C2CD3: variants seen among roughly 807,000 people sequenced by gnomAD.
C2CD3 encodes C2 domain containing 3 centriole elongation regulator.
In C2CD3, 148 loss-of-function variants were observed where a neutral mutation model predicts 234.0. That is an observed-to-expected ratio of 0.63 (90% confidence interval 0.55 to 0.72). The LOEUF (loss-of-function observed/expected upper bound fraction) is 0.72. Among genes scored for constraint, C2CD3 ranks in the 30% least tolerant of loss-of-function variants. The probability of loss-of-function intolerance (pLI) is 0.00; values close to 1 mark genes in which losing one functional copy is unlikely to be tolerated. For synonymous variants in C2CD3, 1,000 were observed against 1,035.4 expected (o/e 0.97, Z 0.66); for missense variants, 2,577 against 2,811.5 (o/e 0.92, Z 1.89).
chr11:74,156,946 G>A (rs887766039), intron 3 of C2CD3, among the ~76,000 whole-genome samples: 7 of 152,330 alleles, frequency 4.6e-5, no homozygotes, highest in African/African-American at 1.2e-4. Context: ...ACTACAGCTT[G>A]GGTGACAGGG....
chr11:74,067,359 C>T (rs1025314406), intron 24 of C2CD3, among the ~76,000 whole-genome samples: 2 of 151,502 alleles, frequency 1.3e-5, no homozygotes, highest in Non-Finnish European at 2.9e-5. Flanking sequence ...AAAGGCTGAA[C>T]CTGGAAAAAG....
At chr11:74,113,726 A>G (rs961212507) in intron 11 of C2CD3, 54 bp downstream of exon 11, 1 of 1,120,636 alleles carries the variant, frequency 8.9e-7, no homozygotes, top group Non-Finnish European at 1.4e-6. Flanking sequence ...AGGAATTCAA[A>G]AATTCTTCCA....
rs758900922 is a variant in C2CD3 at position 74,013,112 on chromosome 11, G to T, written c.*273C>A. 8 of 219,772 alleles carry T rather than the reference G, an allele frequency of 3.6e-5. No homozygotes were observed. The highest frequency in any genetic ancestry group is 7.1e-5 in the Non-Finnish European group (8 of 112,780). The allele number at this position is 219,772 out of a possible 1,614,324, so 13.6% of individuals were successfully genotyped here. A position where few individuals can be genotyped will look rare whatever the true frequency, so the allele number is the denominator to read the frequency against. ...TTCTCCACCGAAAGATGCCTGCTTG[G>T]GTCCCACTTGGGCGCGGATTCCATT... On this transcript the variant is annotated 3_prime_UTR_variant, in exon 33 of 33. Coordinates refer to ENST00000334126, the MANE Select transcript of C2CD3 (RefSeq NM_001286577.2).
chr11:74,074,153 G>T, intron 24 of C2CD3, 100 bp downstream of exon 24: 1 of 800,194 alleles, frequency 1.2e-6, no homozygotes. Flanking sequence ...TTTATCAGTT[G>T]AGATAATTAA....
At chr11:74,131,005 G>A (rs1957656813) in intron 7 of C2CD3, among the ~76,000 whole-genome samples, 1 of 151,710 alleles carries the variant, frequency 6.6e-6, no homozygotes, top group Non-Finnish European at 1.5e-5. Context: ...ATCTCACTAT[G>A]TCACCCAGAC....
Position 74,170,780 on chromosome 11 carries a change from T to G in C2CD3, c.13A>C (p.Lys5Gln). ...CGGCTGCCCCCAGACCCTTGGCCTT[T>G]TCGTTGTTTCATGATGAGCCCGAGC... Reference protein sequence around the residue: MKQRKGQGSGGSRGR... With the variant: MKQRQGQGSGGSRGR... Residue 5 changes from lysine to glutamine, a missense_variant, in exon 1 of 33, where the codon AAA (lysine) becomes CAA (glutamine). By Grantham distance (53) the Lys-to-Gln change is moderately conservative. Transcript: ENST00000334126. The G allele has an allele frequency of 6.2e-7, 1 of 1,614,194 alleles. No individual in the cohort carries two copies. The highest frequency in any genetic ancestry group is 1.1e-5 in the South Asian group (1 of 91,080).
intron 7 of C2CD3, chr11:74,129,537 C>T (rs564053196): frequency 0.014 from 2,686 of 189,480 alleles, 38 homozygotes; most frequent in African/African-American, 0.03. Context: ...AAGAGGCGCT[C>T]CTCACTTCCT....
chr11:74,106,837 G>C (rs1013292638), intron 12 of C2CD3, among the ~76,000 whole-genome samples: 1 of 152,064 alleles, frequency 6.6e-6, no homozygotes, highest in Admixed American at 6.5e-5. Flanking sequence ...TTAAAACTAG[G>C]GAAATTGTAA....
At chr11:74,128,218 A>AT (rs1565325627) in intron 7 of C2CD3, among the ~76,000 whole-genome samples, 1 of 152,202 alleles carries the variant, frequency 6.6e-6, no homozygotes, top group Non-Finnish European at 1.5e-5. Context: ...TCCATTGCCC[A>AT]TATTTTTAAT....
At chr11:74,061,144 A>T (rs1436880631) in intron 24 of C2CD3, among the ~76,000 whole-genome samples, 1 of 152,228 alleles carries the variant, frequency 6.6e-6, no homozygotes, top group East Asian at 1.9e-4. Flanking sequence ...CCAAGTCTAC[A>T]TCTGACTGCT....
At chr11:74,013,772 T>C (rs1951777478) in intron 32 of C2CD3, among the ~76,000 whole-genome samples, 1 of 152,222 alleles carries the variant, frequency 6.6e-6, no homozygotes, top group Admixed American at 6.5e-5. Context: ...CCCACAGCTC[T>C]GAGTAGCAGA....
intron 10 of C2CD3, 65 bp downstream of exon 10, chr11:74,114,319 G>C: frequency 1.9e-6 from 2 of 1,071,194 alleles, no homozygotes; most frequent in Non-Finnish European, 2.8e-6. Flanking sequence ...TGCAATTGTT[G>C]ATTATTACCA....
At position 74,123,041 on chromosome 11, in the gene C2CD3, T is replaced by A; in HGVS notation, c.1312A>T (p.Asn438Tyr). 1.2e-6 allele frequency: 2 copies of A among 1,613,522 alleles called. No homozygotes were observed. Among genetic ancestry groups the A allele is most frequent in the Non-Finnish European group, 1.7e-6 (2 of 1,179,446 alleles). Residue 438 changes from asparagine to tyrosine, a missense_variant, in exon 8 of 33, where the codon AAT becomes TAT. Physicochemically the swap from Asn to Tyr is moderately radical, Grantham distance 143. Coordinates refer to ENST00000334126, the MANE Select transcript of C2CD3 (RefSeq NM_001286577.2). ...GSDVYCISEL[N>Y]DPQYDQSLLE... Reference sequence around the variant, plus strand: ...AGACTCTGGTCATACTGAGGGTCATTCAGCTCACTGATGCAATACACATCA... The same window carrying A: ...AGACTCTGGTCATACTGAGGGTCATACAGCTCACTGATGCAATACACATCA...
At chr11:74,146,999 C>T (rs1340246091) in intron 3 of C2CD3, among the ~76,000 whole-genome samples, 4 of 151,728 alleles carry the variant, frequency 2.6e-5, no homozygotes, top group South Asian at 2.1e-4. Flanking sequence ...TGCAGTGAGC[C>T]GAGATCGTGC....
intron 3 of C2CD3, among the ~76,000 whole-genome samples, chr11:74,143,549 A>ATT (rs1854953674): frequency 6.8e-6 from 1 of 147,418 alleles, no homozygotes. Context: ...ATATATATAT[A>ATT]TTTAATATAT....
intron 23 of C2CD3, among the ~76,000 whole-genome samples, chr11:74,077,452 A>G (rs1169586271): frequency 6.6e-6 from 1 of 152,022 alleles, no homozygotes; most frequent in Non-Finnish European, 1.5e-5. Flanking sequence ...TTTAAAAACA[A>G]TCTCTTTAGG....
intron 21 of C2CD3, 165 bp downstream of exon 21, chr11:74,085,453 T>C: frequency 3.0e-6 from 2 of 655,768 alleles, no homozygotes; most frequent in South Asian, 4.2e-5. Flanking sequence ...TTCTCTTACA[T>C]ACTTAGTACA....
At chr11:74,037,780 G>A (rs1952813564) in intron 29 of C2CD3, 82 bp from the exon 30 acceptor site, 3 of 1,075,780 alleles carry the variant, frequency 2.8e-6, no homozygotes, top group Non-Finnish European at 4.2e-6. Flanking sequence ...GGACACTACC[G>A]CTTGAGCCAA....
Position 74,028,367 on chromosome 11 carries a change from A to C in C2CD3, c.6841T>G (p.Leu2281Val). Residue 2281 changes from leucine (L) to valine (V), a missense_variant, in exon 32 of 33, where the codon TTG becomes GTG. By Grantham distance (32) the Leu-to-Val change is conservative. Coordinates refer to ENST00000334126, the MANE Select transcript of C2CD3 (RefSeq NM_001286577.2). ...PGPIVVPNFF[L>V]PPQQLEASLR... ...GAAGCCTCCAACTGCTGGGGAGGCA[A>C]AAAGAAGTTGGGCACCACAATGGGC... 6.5e-7 allele frequency: 1 copy of C among 1,535,994 alleles called. No homozygotes were observed. The highest frequency in any genetic ancestry group is 1.2e-5 in the South Asian group (1 of 84,046).
Sources: allele counts gnomAD v4.1 joint callset (sites outside exome capture counted in the v4.1 genomes callset), GRCh38; gene constraint gnomAD v4.1.1; transcripts MANE v1.5; gene names NCBI Gene and HGNC (gene_info 2026-07-23, HGNC 2026-07-21).